LEO1: variants seen among roughly 807,000 people sequenced by gnomAD.
LEO1 encodes the protein LEO1 component of Paf1/RNA polymerase II complex.
A neutral mutation model predicts 80.4 loss-of-function variants in LEO1; 34 were observed. The observed-to-expected ratio is 0.42, with a 90% CI of 0.32 to 0.56. The LOEUF (loss-of-function observed/expected upper bound fraction) is 0.56. Ranked by LOEUF, LEO1 falls within the 20% of genes least tolerant of loss-of-function variation. The pLI is 0.10. For missense variants in LEO1, 631 were observed against 814.2 expected (o/e 0.77, Z 2.74); for synonymous variants, 262 against 274.9 (o/e 0.95, Z 0.46).
intron 10 of LEO1, among the ~76,000 whole-genome samples, chr15:51,948,232 GT>G (rs2056918704): frequency 6.6e-6 from 1 of 152,072 alleles, no homozygotes; most frequent in African/African-American, 2.4e-5. Flanking sequence ...CCTTCCCTTT[GT>G]CCCCACACCT....
chr15:51,939,183 C>T (rs888579643), intron 11 of LEO1, among the ~76,000 whole-genome samples: 1 of 151,932 alleles, frequency 6.6e-6, no homozygotes, highest in South Asian at 2.1e-4. Flanking sequence ...AGCAAGACTC[C>T]GTCTCAAAAA....
At chr15:51,970,316 C>T (rs1050833459) in intron 1 of LEO1, among the ~76,000 whole-genome samples, 1 of 152,136 alleles carries the variant, frequency 6.6e-6, no homozygotes, top group African/African-American at 2.4e-5. Context: ...CACGACCACA[C>T]CTGGCTAACA....
At chr15:51,950,483 G>A (rs771312991) in intron 9 of LEO1, among the ~76,000 whole-genome samples, 16 of 152,098 alleles carry the variant, frequency 1.1e-4, no homozygotes, top group African/African-American at 3.1e-4. Context: ...AGCTCCTCAC[G>A]GCTCCTGATG....
At chr15:51,968,467 G>C (rs941605769) in intron 1 of LEO1, among the ~76,000 whole-genome samples, 7 of 152,106 alleles carry the variant, frequency 4.6e-5, no homozygotes, top group African/African-American at 1.4e-4. Flanking sequence ...CTTAAACCTA[G>C]GAAGCGGAGG....
chr15:51,942,023 G>T (rs1195665043), intron 11 of LEO1, among the ~76,000 whole-genome samples: 1 of 152,200 alleles, frequency 6.6e-6, no homozygotes, highest in Non-Finnish European at 1.5e-5. Context: ...GGTGTTCTCT[G>T]GACTGGGGAC....
intron 11 of LEO1, among the ~76,000 whole-genome samples, chr15:51,943,133 A>G (rs1224609107): frequency 6.6e-6 from 1 of 152,008 alleles, no homozygotes; most frequent in Non-Finnish European, 1.5e-5. Context: ...TAATCCCAGC[A>G]CTTTGGGAGA....
At chr15:51,964,574 G>A (rs1331982222) in intron 2 of LEO1, among the ~76,000 whole-genome samples, 2 of 148,756 alleles carry the variant, frequency 1.3e-5, no homozygotes, top group Admixed American at 6.7e-5. Context: ...CCTCTACTCT[G>A]AATTAGTTAT....
At chr15:51,942,741 G>A (rs752116878) in intron 11 of LEO1, among the ~76,000 whole-genome samples, 10 of 151,872 alleles carry the variant, frequency 6.6e-5, no homozygotes, top group Admixed American at 3.9e-4. Context: ...GACCAACATG[G>A]CAAAACCCTG....
chr15:51,954,411 A>G lies in LEO1; in HGVS notation c.1340+70T>C, dbSNP rs1261475017. ...ACTAATAATAAATTTAAAACTAAAA[A>G]GTATTTCAAAACTTGATCCCTCTGA... On this transcript the variant is annotated intron_variant, in intron 7 of 11. Transcript: ENST00000299601. 8 of 895,206 alleles carry G rather than the reference A, an allele frequency of 8.9e-6. No homozygotes were observed. The East Asian group carries it at 1.7e-4, about 19-fold the overall frequency. 55.5% of individuals were successfully genotyped at this position (895,206 alleles called of 1,614,324 possible).
chr15:51,959,968 T>C lies in LEO1; in HGVS notation c.1091A>G (p.Lys364Arg), dbSNP rs757899393. Reference sequence around the variant, plus strand: ...GTCGTTTCCTAAATCAGTGTTTACTTTGGGTATTTCTACTTCTATTCTGGT... The same window carrying C: ...GTCGTTTCCTAAATCAGTGTTTACTCTGGGTATTTCTACTTCTATTCTGGT... Reference protein sequence around the residue: ...PETRIEVEIPKVNTDLGNDLY... With the variant: ...PETRIEVEIPRVNTDLGNDLY... The change falls in exon 5 of 12, where the codon AAA becomes AGA. Residue 364 changes from lysine to arginine, a missense_variant. Physicochemically the swap from Lys to Arg is conservative, Grantham distance 26. Around this residue, in one of 4 missense-constraint regions of LEO1, gnomAD observed 95 missense variants for 171.7 expected, o/e 0.55. Coordinates refer to ENST00000299601, the MANE Select transcript of LEO1 (RefSeq NM_138792.4). 3.1e-6 allele frequency: 5 copies of C among 1,613,504 alleles called. No homozygotes were observed. The East Asian group carries it at 8.9e-5, about 29-fold the overall frequency.
At chr15:51,943,188 GC>G (rs1180061380) in intron 11 of LEO1, among the ~76,000 whole-genome samples, 2 of 151,786 alleles carry the variant, frequency 1.3e-5, no homozygotes, top group Non-Finnish European at 2.9e-5. Context: ...GACCAGCCTG[GC>G]CAACATAGTG....
At chr15:51,960,512 TC>T in intron 4 of LEO1, 126 bp downstream of exon 4, 1 of 621,246 alleles carries the variant, frequency 1.6e-6, no homozygotes, top group Non-Finnish European at 2.9e-6. Flanking sequence ...ATGAAGAAAG[TC>T]ATCTGTTCAT....
rs61740444 is a variant in LEO1, at chr15:51,966,194, C to T, written c.369G>A (p.Ser123=). 23 of 1,613,798 alleles carry T rather than the reference C, an allele frequency of 1.4e-5. No individual in the cohort carries two copies. In the African/African-American group the frequency reaches 1.7e-4, roughly 12 times the overall value. ...CTTCTGAATGATGGCTCCCTCCATC[C>T]GATCTATGACCTTCGTCTTCATCAT... ...PNDDEDEGHR[S]DGGSHHSEAE... is the part of the protein sequence containing the mutation. Residue 123 remains serine, a synonymous_variant, in exon 2 of 12, where the codon TCG becomes TCA. Transcript: ENST00000299601.
rs995032633 is a variant in LEO1 at position 51,957,349 on chromosome 15, T to C, written c.1245+1393A>G. 2.6e-5 allele frequency among the ~76,000 whole-genome samples: 4 copies of C among 151,986 alleles called. No individual in the cohort carries two copies. In the South Asian group the frequency reaches 6.2e-4, roughly 24 times the overall value. On this transcript the variant is annotated intron_variant, in intron 6 of 11. Transcript: ENST00000299601. ...AAAGCCAGAGGCACTAAAACAACCA[T>C]GAAAAATTGATACTGCTAAGCCTAA...
intron 6 of LEO1, 132 bp from the exon 7 acceptor site, chr15:51,954,707 A>G: frequency 4.6e-6 from 3 of 650,312 alleles, no homozygotes; most frequent in Non-Finnish European, 8.2e-6. Context: ...AGGAGAATGA[A>G]CAACACTGAA....
intron 3 of LEO1, among the ~76,000 whole-genome samples, chr15:51,962,030 G>T (rs2057034929): frequency 6.6e-6 from 1 of 151,910 alleles, no homozygotes; most frequent in South Asian, 2.1e-4. Flanking sequence ...CAGGCATGGT[G>T]GTACGTTCCT....
At chr15:51,945,429 T>C (rs570089828) in intron 11 of LEO1, among the ~76,000 whole-genome samples, 4 of 152,096 alleles carry the variant, frequency 2.6e-5, no homozygotes, top group African/African-American at 9.6e-5. Context: ...ACTTCCTAAT[T>C]CTGCATGCAA....
intron 10 of LEO1, 31 bp downstream of exon 10, chr15:51,949,777 T>G (rs777584428): frequency 4.4e-6 from 7 of 1,575,692 alleles, no homozygotes; most frequent in Non-Finnish European, 5.2e-6. Context: ...AATCCCGAAA[T>G]GATGAAATGT....
At chr15:51,950,057 C>G (rs1224375694) in intron 9 of LEO1, 63 bp from the exon 10 acceptor site, 5 of 1,346,786 alleles carry the variant, frequency 3.7e-6, no homozygotes, top group Non-Finnish European at 5.1e-6. Flanking sequence ...CACTTGAACC[C>G]ACTTTTATTA....
Sources: gnomAD v4.1 joint callset for allele counts (sites outside exome capture counted in the v4.1 genomes callset) on GRCh38, gnomAD v4.1.1 for gene constraint, gnomAD v4.1.1 regional missense constraint, MANE v1.5 for transcripts, NCBI Gene and HGNC (gene_info 2026-07-23, HGNC 2026-07-21) for gene names.